NEK1: variants seen among roughly 807,000 people sequenced by gnomAD.
The protein encoded by NEK1 is serine/threonine-protein kinase Nek1.
Under a neutral mutation model 182.1 loss-of-function variants are expected in NEK1, and 137 were observed. That is an observed-to-expected ratio of 0.75 (90% CI 0.65 to 0.87). NEK1 has a LOEUF of 0.87. Among genes scored for constraint, NEK1 ranks in the 40% least tolerant of loss-of-function variants. The pLI is 0.00. For synonymous variants in NEK1, 513 were observed against 492.2 expected (o/e 1.04, Z -0.56); for missense variants, 1,391 against 1,494.4 (o/e 0.93, Z 1.14).
At chr4:169,435,515 T>C (rs140357517) in intron 28 of NEK1, among the ~76,000 whole-genome samples, 177 of 152,322 alleles carry the variant, frequency 1.2e-3, no homozygotes, top group African/African-American at 3.6e-3. Context: ...GGTTTTCCTC[T>C]CAACTAGAGG....
At chr4:169,474,945 T>C (rs1746673601) in intron 26 of NEK1, among the ~76,000 whole-genome samples, 1 of 152,098 alleles carries the variant, frequency 6.6e-6, no homozygotes, top group Admixed American at 6.5e-5. Flanking sequence ...GCTCCCTAAA[T>C]AACCAAAACA....
intron 27 of NEK1, among the ~76,000 whole-genome samples, chr4:169,459,343 C>G (rs1037449088): frequency 3.3e-5 from 5 of 152,152 alleles, no homozygotes; most frequent in African/African-American, 1.2e-4. Context: ...CAAGATACCA[C>G]TACACAGCAA....
chr4:169,465,066 T>C (rs1271305059), intron 26 of NEK1, among the ~76,000 whole-genome samples: 2 of 152,068 alleles, frequency 1.3e-5, no homozygotes, highest in African/African-American at 4.8e-5. Flanking sequence ...CTAATACATA[T>C]TGATACAGTT....
At chr4:169,588,827 A>T in intron 7 of NEK1, 92 bp from the exon 8 acceptor site, 2 of 764,420 alleles carry the variant, frequency 2.6e-6, no homozygotes, top group Non-Finnish European at 4.5e-6. Flanking sequence ...CGCATATATG[A>T]TGCTGGTCCC....
At chr4:169,424,515 C>T (rs756576289) in intron 31 of NEK1, 38 bp downstream of exon 31, 16 of 1,519,002 alleles carry the variant, frequency 1.1e-5, no homozygotes, top group African/African-American at 5.6e-5. Flanking sequence ...TACATGTTAT[C>T]GAATGGATAA....
chr4:169,588,220 C>G (rs1580992582), intron 8 of NEK1, among the ~76,000 whole-genome samples: 1 of 152,066 alleles, frequency 6.6e-6, no homozygotes, highest in South Asian at 2.1e-4. Flanking sequence ...AAAGAAGTTA[C>G]CTTGCCTCTC....
chr4:169,541,388 A>C (rs966382458), intron 18 of NEK1, among the ~76,000 whole-genome samples: 7 of 152,162 alleles, frequency 4.6e-5, no homozygotes, highest in Admixed American at 1.3e-4. Flanking sequence ...TGAGCTTATA[A>C]TATTAAAAAT....
At chr4:169,586,342 C>T (rs990558733) in intron 9 of NEK1, among the ~76,000 whole-genome samples, 2 of 151,994 alleles carry the variant, frequency 1.3e-5, no homozygotes, top group Non-Finnish European at 2.9e-5. Flanking sequence ...TTGAGCTCTC[C>T]TAAATGTCAT....
chr4:169,565,162 A>G (rs577005851), intron 12 of NEK1, among the ~76,000 whole-genome samples: 3 of 152,338 alleles, frequency 2.0e-5, no homozygotes, highest in African/African-American at 7.2e-5. Context: ...TGAGATAAAA[A>G]CAATACTGAA....
At chr4:169,405,170 G>C (rs1732380171) in intron 32 of NEK1, among the ~76,000 whole-genome samples, 1 of 152,176 alleles carries the variant, frequency 6.6e-6, no homozygotes, top group Admixed American at 6.5e-5. Context: ...TCATTGTTGT[G>C]CTAACATCAT....
Position 169,400,278 on chromosome 4 carries a change from T to TGCTG in NEK1, c.3790_3793dup (p.His1265ProfsTer21), listed in dbSNP as rs1183340623. 2 of 1,569,524 alleles carry TGCTG rather than the reference T, an allele frequency of 1.3e-6. No homozygotes were observed. Among genetic ancestry groups the TGCTG allele is most frequent in the African/African-American group, 2.7e-5 (2 of 74,180 alleles). Reference sequence around the variant, plus strand: ...TAAATGAAGAATCTTGGCATAAAGATGCTGATGTTCATTTCCCAAAATATT... The same window carrying TGCTG: ...TAAATGAAGAATCTTGGCATAAAGATGCTGGCTGATGTTCATTTCCCAAAATATT... On this transcript the variant is annotated frameshift_variant, in exon 35 of 36. Coordinates refer to ENST00000507142, the MANE Select transcript of NEK1 (RefSeq NM_001199397.3). LOFTEE classifies it high-confidence loss of function.
At chr4:169,607,538 C>T (rs565777256) in intron 2 of NEK1, among the ~76,000 whole-genome samples, 11 of 152,184 alleles carry the variant, frequency 7.2e-5, no homozygotes, top group African/African-American at 2.7e-4. Context: ...TCTTGGCTCA[C>T]TGCAAGCTCC....
chr4:169,435,774 G>A (rs906679340), intron 28 of NEK1, among the ~76,000 whole-genome samples: 2 of 152,158 alleles, frequency 1.3e-5, no homozygotes, highest in African/African-American at 4.8e-5. Context: ...AGGCATGGGA[G>A]TGACGTCATT....
At chr4:169,404,461 T>G (rs545409552) in intron 32 of NEK1, among the ~76,000 whole-genome samples, 68 of 152,152 alleles carry the variant, frequency 4.5e-4, no homozygotes, top group Admixed American at 5.2e-4. Flanking sequence ...GCGGCATCGA[T>G]CCTACGTAAC....
At position 169,609,334 on chromosome 4, in the gene NEK1, G is replaced by C. The variant is rs183402155; in HGVS notation, c.-49+2686C>G. Among the ~76,000 whole-genome samples, 29 of 152,198 alleles carry C rather than the reference G, an allele frequency of 1.9e-4. No homozygotes were observed. The East Asian group carries it at 4.2e-3, about 22-fold the overall frequency. On this transcript the variant is annotated intron_variant, in intron 2 of 35. Transcript: ENST00000507142. ...AAGGGGACAGAAACTTTGATGTAGT[G>C]ATTCAATTTCTAGCAATTTACCCTA...
At chr4:169,572,361 T>C (rs759431611) in intron 12 of NEK1, among the ~76,000 whole-genome samples, 3 of 152,070 alleles carry the variant, frequency 2.0e-5, no homozygotes, top group Non-Finnish European at 2.9e-5. Flanking sequence ...TGAGAACAAA[T>C]GGAAGGGCAG....
At chr4:169,496,914 C>T (rs1379153837) in intron 23 of NEK1, among the ~76,000 whole-genome samples, 2 of 152,162 alleles carry the variant, frequency 1.3e-5, no homozygotes, top group African/African-American at 4.8e-5. Context: ...TGATGTTGGC[C>T]TCATAAAATG....
At chr4:169,611,239 A>G (rs909740086) in intron 2 of NEK1, among the ~76,000 whole-genome samples, 1 of 152,252 alleles carries the variant, frequency 6.6e-6, no homozygotes, top group African/African-American at 2.4e-5. Flanking sequence ...GACGACCTTT[A>G]TTAAATTCCT....
At chr4:169,507,820 C>CAAATTGAT in intron 21 of NEK1, 28 bp from the exon 22 acceptor site, 1 of 1,514,622 alleles carries the variant, frequency 6.6e-7, no homozygotes, top group Non-Finnish European at 9.2e-7. Context: ...AAGCAAATCA[C>CAAATTGAT]TTAGGATAGA....
Sources: allele counts gnomAD v4.1 joint callset (sites outside exome capture counted in the v4.1 genomes callset), GRCh38; gene constraint gnomAD v4.1.1; transcripts MANE v1.5; gene names NCBI Gene and HGNC (gene_info 2026-07-23, HGNC 2026-07-21).